Variants in TLE5 observed in about 807,000 individuals in gnomAD.
The protein encoded by TLE5 is TLE family member 5.
In TLE5, 7 loss-of-function variants were observed where a neutral mutation model predicts 25.8. The ratio of observed to expected loss-of-function variants is 0.27; its 90% CI spans 0.15 to 0.51. The LOEUF (loss-of-function observed/expected upper bound fraction) is 0.51. TLE5 is among the 20% of genes least tolerant of loss of function. TLE5 has a pLI of 0.97. For synonymous variants in TLE5, 132 were observed against 110.5 expected (o/e 1.20, Z -1.22); for missense variants, 149 against 250.7 (o/e 0.59, Z 2.74).
intron 6 of TLE5, 34 bp downstream of exon 6, chr19:3,054,086 T>TCCGGGGGGCCC: frequency 1.3e-6 from 2 of 1,512,814 alleles, no homozygotes; most frequent in Non-Finnish European, 1.8e-6. Context: ...GGCCCACCTG[T>TCCGGGGGGCCC]CCCCCGCCCA....
rs1326962682 is a variant in TLE5 at position 3,062,093 on chromosome 19, G to A, written c.27+81C>T. ...GAGGCACCGGGCCTGGGGGTTGGGG[G>A]GCGCGGGGCCGGGAGCCGGGGGTCG... On this transcript the variant is annotated intron_variant, in intron 1 of 6. Coordinates refer to ENST00000327141, the MANE Select transcript of TLE5 (RefSeq NM_001130.6). The A allele has an allele frequency of 6.6e-5, 49 of 745,230 alleles. No individual in the cohort carries two copies. The African/African-American group carries it at 9.2e-4, about 14-fold the overall frequency. 46.2% of individuals were successfully genotyped at this position (745,230 alleles called of 1,614,324 possible).
At chr19:3,060,008 A>G (rs1029802766) in intron 2 of TLE5, among the ~76,000 whole-genome samples, 7 of 152,154 alleles carry the variant, frequency 4.6e-5, no homozygotes, top group African/African-American at 1.7e-4. Context: ...AAGGTGGGAT[A>G]TTTGCAGCAG....
intron 3 of TLE5, chr19:3,057,351 C>A: frequency 2.8e-6 from 1 of 361,498 alleles, no homozygotes. Context: ...GACTCGGCTG[C>A]TCCCCCACGT....
In TLE5 at chr19:3,056,419, G is replaced by A. The variant is rs1341750904; in HGVS notation, c.190-63C>T. The A allele has an allele frequency of 8.3e-6, 5 of 603,878 alleles. 1 individual carries two copies. The highest frequency in any genetic ancestry group is 7.1e-5 in the South Asian group (4 of 56,074). 37.4% of individuals were successfully genotyped at this position (603,878 alleles called of 1,614,324 possible). A position where few individuals can be genotyped will look rare whatever the true frequency, so the allele number is the denominator to read the frequency against. ...GTGGGGAAGGATGGGGGGACACGGA[G>A]ACAAAGAGATAGGGGAGTGGCAGAG... On this transcript the variant is annotated intron_variant, in intron 3 of 6. Coordinates refer to ENST00000327141, the MANE Select transcript of TLE5 (RefSeq NM_001130.6).
rs1039574514 is a variant in TLE5, at chr19:3,053,826, G to A, written c.587C>T (p.Ser196Leu). The A allele has an allele frequency of 6.2e-7, 1 of 1,612,362 alleles. No homozygotes were observed. Among genetic ancestry groups the A allele is most frequent in the Non-Finnish European group, 8.5e-7 (1 of 1,179,598 alleles). Reference sequence around the variant, plus strand: ...CCCTGTCCCGGCCCCCTGCTAATCCGACTTCTCGCCATCATCCTCCTGGTG... The same window carrying A: ...CCCTGTCCCGGCCCCCTGCTAATCCAACTTCTCGCCATCATCCTCCTGGTG... ...DTHQEDDGEK[S>L]D Residue 196 changes from serine to leucine, a missense_variant, in exon 7 of 7, where the codon TCG becomes TTG. Transcript: ENST00000327141.
At chr19:3,062,037 G>C (rs1276112326) in intron 1 of TLE5, 137 bp downstream of exon 1, 1 of 227,980 alleles carries the variant, frequency 4.4e-6, no homozygotes, top group Admixed American at 6.4e-5. Flanking sequence ...AGGGAAGACA[G>C]GGCCGGGGAG....
At chr19:3,062,794 G>C, upstream of TLE5, 5 of 1,550,196 alleles carry the variant, frequency 3.2e-6, no homozygotes, top group Non-Finnish European at 4.4e-6. Flanking sequence ...GGCACGACCT[G>C]GACGCGTGCC....
intron 2 of TLE5, among the ~76,000 whole-genome samples, chr19:3,060,304 G>A (rs180676792): frequency 7.3e-5 from 11 of 150,542 alleles, no homozygotes; most frequent in African/African-American, 2.7e-4. Flanking sequence ...TAACATCTCT[G>A]GGCTTAAGTT....
intron 1 of TLE5, 143 bp from the exon 2 acceptor site, chr19:3,061,400 A>G: frequency 2.0e-6 from 1 of 496,104 alleles, no homozygotes; most frequent in Non-Finnish European, 3.5e-6. Flanking sequence ...CCCTGGCGCG[A>G]CCCCACCCGC....
rs746184233 is a variant in TLE5 at position 3,061,192 on chromosome 19, G to A, written c.93C>T (p.Asp31=). Residue 31 remains aspartate, a synonymous_variant, in exon 2 of 7, where the codon GAC becomes GAT. Coordinates refer to ENST00000327141, the MANE Select transcript of TLE5 (RefSeq NM_001130.6). ...ACTGAGCTTGCAGTAGCTGAAATTC[G>A]TCTTTGATGCGGTCGCAGGAGTCCG... The part of the protein sequence containing the change: ...TTSDSCDRIK[D]EFQLLQAQYH... The A allele has an allele frequency of 1.9e-6, 3 of 1,613,670 alleles. No homozygotes were observed. The highest frequency in any genetic ancestry group is 2.5e-6 in the Non-Finnish European group (3 of 1,179,788).
chr19:3,057,556 C>T, intron 3 of TLE5, 123 bp downstream of exon 3: 1 of 931,134 alleles, frequency 1.1e-6, no homozygotes, highest in Non-Finnish European at 1.7e-6. Flanking sequence ...AGAACAGGCC[C>T]CGATCCTCGC....
Position 3,061,222 on chromosome 19 carries a change from G to A in TLE5, c.63C>T (p.Thr21=), listed in dbSNP as rs2090263570. Residue 21 remains threonine (T), a synonymous_variant, in exon 2 of 7, where the codon ACC becomes ACT. Coordinates refer to ENST00000327141, the MANE Select transcript of TLE5 (RefSeq NM_001130.6). ...SSHLPQQLKF[T]TSDSCDRIKD... is the part of the protein sequence containing the mutation. Reference sequence around the variant, plus strand: ...TGATGCGGTCGCAGGAGTCCGAGGTGGTGAATTTGAGTTGCTGGGGTAGGT... The same window carrying A: ...TGATGCGGTCGCAGGAGTCCGAGGTAGTGAATTTGAGTTGCTGGGGTAGGT... The A allele has an allele frequency of 2.5e-6, 4 of 1,613,814 alleles. No homozygotes were observed. In the African/African-American group the frequency reaches 4.0e-5, roughly 16 times the overall value.
chr19:3,061,548 C>A (rs1314942852), intron 1 of TLE5: 1 of 240,018 alleles, frequency 4.2e-6, no homozygotes, highest in Non-Finnish European at 8.1e-6. Flanking sequence ...CGCCCTCTAC[C>A]GCCCTCCAAA....
chr19:3,058,885 G>T (rs1225175348), intron 2 of TLE5, among the ~76,000 whole-genome samples: 1 of 152,194 alleles, frequency 6.6e-6, no homozygotes, highest in Admixed American at 6.5e-5. Context: ...CTCGGACTGG[G>T]TTCAAAGCTC....
Position 3,053,689 on chromosome 19 carries a change from G to A in TLE5, c.*130C>T, listed in dbSNP as rs1321897367. On this transcript the variant is annotated 3_prime_UTR_variant, in exon 7 of 7. Coordinates refer to ENST00000327141, the MANE Select transcript of TLE5 (RefSeq NM_001130.6). ...AAGCTGGGCTGGGGCCCCCGCCGGC[G>A]GCCACCATAAATACTATGGGAGTTT... 8 of 1,095,008 alleles carry A rather than the reference G, an allele frequency of 7.3e-6. No homozygotes were observed. The highest frequency in any genetic ancestry group is 6.4e-5 in the African/African-American group (4 of 62,934). The allele number at this position is 1,095,008 out of a possible 1,614,324, so 67.8% of individuals were successfully genotyped here.
At chr19:3,056,555 C>A in intron 3 of TLE5, 199 bp from the exon 4 acceptor site, 1 of 637,282 alleles carries the variant, frequency 1.6e-6, no homozygotes, top group South Asian at 1.7e-5. Context: ...CCCAGCCCGC[C>A]CTGGAGAGGG....
Position 3,053,672 on chromosome 19 carries a change from CTGGGGCCCCCGCCGGCGGCCACCA to C in TLE5, c.*123_*146del. 3.3e-6 allele frequency: 3 copies of C among 905,466 alleles called. No homozygotes were observed. Among genetic ancestry groups the C allele is most frequent in the Non-Finnish European group, 4.9e-6 (3 of 612,008 alleles). The allele number at this position is 905,466 out of a possible 1,614,324, so 56.1% of individuals were successfully genotyped here. A position where few individuals can be genotyped will look rare whatever the true frequency, so the allele number is the denominator to read the frequency against. ...AGCTAGAGGTGGCCTGCAAGCTGGG[CTGGGGCCCCCGCCGGCGGCCACCA>C]TAAATACTATGGGAGTTTAGCCAAT... On this transcript the variant is annotated 3_prime_UTR_variant, in exon 7 of 7. Transcript: ENST00000327141.
chr19:3,057,455 TGCAACCC>T, intron 3 of TLE5: 1 of 558,218 alleles, frequency 1.8e-6, no homozygotes. Flanking sequence ...AGGGCCGGTC[TGCAACCC>T]GGCGGTTTGG....
At chr19:3,061,503 C>T (rs1234610359) in intron 1 of TLE5, 8 of 308,904 alleles carry the variant, frequency 2.6e-5, no homozygotes, top group Non-Finnish European at 4.2e-5. Context: ...AGTGGGGGTG[C>T]GTTTTAAGGC....
Sources: gnomAD v4.1 joint callset for allele counts (sites outside exome capture counted in the v4.1 genomes callset) on GRCh38, gnomAD v4.1.1 for gene constraint, MANE v1.5 for transcripts, NCBI Gene and HGNC (gene_info 2026-07-23, HGNC 2026-07-21) for gene names.